The following TAFA2 variants were observed in gnomAD, a reference collection of about 807,000 sequenced individuals.
TAFA2 encodes chemokine-like protein TAFA-2.
In TAFA2, 7 loss-of-function variants were observed where a neutral mutation model predicts 18.8. The ratio of observed to expected loss-of-function variants is 0.37; its 90% CI spans 0.21 to 0.70. The LOEUF is 0.70. TAFA2 is among the 30% of genes least tolerant of loss of function. The probability of loss-of-function intolerance (pLI) is 0.53; values close to 1 mark genes in which losing one functional copy is unlikely to be tolerated. For synonymous variants in TAFA2, 60 were observed against 54.2 expected, an observed-to-expected ratio of 1.11 and a Z score of -0.47; for missense variants, 122 against 158.1, an observed-to-expected ratio of 0.77 and a Z score of 1.23.
At chr12:62,219,193 C>A (rs1222563756) in intron 1 of TAFA2, among the ~76,000 whole-genome samples, 2 of 150,972 alleles carry the variant, frequency 1.3e-5, no homozygotes, top group African/African-American at 4.9e-5. Context: ...AAAAAAAAAA[C>A]TTAGGTTAAC....
intron 1 of TAFA2, among the ~76,000 whole-genome samples, chr12:62,063,331 A>G (rs1882401614): frequency 6.6e-6 from 1 of 152,298 alleles, no homozygotes; most frequent in Non-Finnish European, 1.5e-5. Context: ...TAAACTAATA[A>G]CCATAATAAT....
intron 1 of TAFA2, among the ~76,000 whole-genome samples, chr12:62,046,712 C>T (rs140609835): frequency 2.2e-4 from 33 of 151,984 alleles, no homozygotes; most frequent in African/African-American, 7.5e-4. Context: ...AATCAGCAAA[C>T]ACATTGTTCA....
At chr12:62,162,969 T>A (rs1046067489) in intron 1 of TAFA2, among the ~76,000 whole-genome samples, 2 of 151,942 alleles carry the variant, frequency 1.3e-5, no homozygotes, top group Middle Eastern at 3.4e-3. Context: ...AAGGCAGCAC[T>A]GCAAATAGAA....
intron 1 of TAFA2, among the ~76,000 whole-genome samples, chr12:62,232,988 C>G (rs1455003621): frequency 2.7e-5 from 4 of 148,142 alleles, no homozygotes; most frequent in Non-Finnish European, 4.5e-5. Flanking sequence ...CAAACCACAA[C>G]TTTCAAGAAA....
intron 2 of TAFA2, among the ~76,000 whole-genome samples, chr12:61,831,256 T>G (rs1872710492): frequency 6.6e-6 from 1 of 152,110 alleles, no homozygotes; most frequent in Admixed American, 6.6e-5. Context: ...GCCTATGCCT[T>G]TAATCTTTGA....
At chr12:62,038,721 T>C (rs1281168645) in intron 1 of TAFA2, among the ~76,000 whole-genome samples, 1 of 152,086 alleles carries the variant, frequency 6.6e-6, no homozygotes, top group East Asian at 1.9e-4. Flanking sequence ...ACCAAGACTT[T>C]CACTTCATTT....
intron 1 of TAFA2, among the ~76,000 whole-genome samples, chr12:61,973,136 T>G (rs1456442987): frequency 6.7e-6 from 1 of 149,964 alleles, no homozygotes; most frequent in East Asian, 1.9e-4. Context: ...CAAAAATAGA[T>G]TACAGGCACT....
intron 1 of TAFA2, among the ~76,000 whole-genome samples, chr12:61,915,194 T>C (rs1876772203): frequency 6.6e-6 from 1 of 152,130 alleles, no homozygotes; most frequent in Admixed American, 6.6e-5. Flanking sequence ...AAGAAAGTGA[T>C]GTGGCGTAGT....
intron 1 of TAFA2, among the ~76,000 whole-genome samples, chr12:62,242,076 G>A (rs927548111): frequency 2.0e-5 from 3 of 152,060 alleles, no homozygotes; most frequent in African/African-American, 4.8e-5. Flanking sequence ...TGATGACAAA[G>A]GAAATTACCA....
intron 1 of TAFA2, among the ~76,000 whole-genome samples, chr12:62,121,194 G>T (rs183351431): frequency 2.7e-4 from 41 of 152,098 alleles, no homozygotes; most frequent in Non-Finnish European, 5.3e-4. Flanking sequence ...ATCCCTCTTG[G>T]GGTCTTCCAT....
At chr12:61,856,936 G>C (rs1360165787) in intron 2 of TAFA2, among the ~76,000 whole-genome samples, 1 of 151,606 alleles carries the variant, frequency 6.6e-6, no homozygotes, top group African/African-American at 2.4e-5. Context: ...CTCACAAAAA[G>C]TGAGAAAGTA....
chr12:61,793,956 C>G (rs1565635948), intron 2 of TAFA2, among the ~76,000 whole-genome samples: 2 of 151,870 alleles, frequency 1.3e-5, no homozygotes, highest in Admixed American at 6.6e-5. Context: ...ATCTAATGAG[C>G]TGAATAAATT....
intron 2 of TAFA2, among the ~76,000 whole-genome samples, chr12:61,792,787 T>A (rs1182658190): frequency 6.6e-6 from 1 of 151,038 alleles, no homozygotes; most frequent in African/African-American, 2.4e-5. Context: ...AGAAAAAAAA[T>A]AACTAGAAGG....
intron 1 of TAFA2, among the ~76,000 whole-genome samples, chr12:61,873,547 T>C (rs1188121158): frequency 6.6e-6 from 1 of 152,138 alleles, no homozygotes; most frequent in African/African-American, 2.4e-5. Context: ...GGTCAAAAAA[T>C]AAGTAACAGT....
chr12:61,955,632 A>AATATATTTATATATAT (rs1878655769), intron 1 of TAFA2, among the ~76,000 whole-genome samples: 2 of 41,202 alleles, frequency 4.9e-5, no homozygotes, highest in Middle Eastern at 0.038. Flanking sequence ...AAAAAAAAAA[A>AATATATTTATATATAT]ATATATATAT....
chr12:61,870,529 C>T (rs1874553480), intron 1 of TAFA2, among the ~76,000 whole-genome samples: 1 of 152,154 alleles, frequency 6.6e-6, no homozygotes, highest in Admixed American at 6.5e-5. Flanking sequence ...GGCCATCATT[C>T]TTAGTAGGGT....
At chr12:61,988,756 C>A (rs1879899747) in intron 1 of TAFA2, among the ~76,000 whole-genome samples, 1 of 152,108 alleles carries the variant, frequency 6.6e-6, no homozygotes, top group Admixed American at 6.5e-5. Context: ...CTCCAGTACC[C>A]CTGCAAACAT....
chr12:62,080,261 G>GTCTCTTT (rs1243589242), intron 1 of TAFA2, among the ~76,000 whole-genome samples: 1 of 152,142 alleles, frequency 6.6e-6, no homozygotes, highest in African/African-American at 2.4e-5. Context: ...CCTTTCTCCA[G>GTCTCTTT]GAAATGCCCA....
At chr12:62,050,439 G>T (rs1350036874) in intron 1 of TAFA2, among the ~76,000 whole-genome samples, 2 of 151,994 alleles carry the variant, frequency 1.3e-5, no homozygotes, top group African/African-American at 4.8e-5. Flanking sequence ...GGGCGTGGTG[G>T]CAGGCACCTA....
Sources: gnomAD v4.1 joint callset for allele counts (sites outside exome capture counted in the v4.1 genomes callset) on GRCh38, gnomAD v4.1.1 for gene constraint, MANE v1.5 for transcripts, NCBI Gene and HGNC (gene_info 2026-07-23, HGNC 2026-07-21) for gene names.